The following STK38 variants were observed in gnomAD, a reference collection of about 807,000 sequenced individuals.
The protein encoded by STK38 is serine/threonine-protein kinase 38.
Under a neutral mutation model 59.0 loss-of-function variants are expected in STK38, and 26 were observed. The ratio of observed to expected loss-of-function variants is 0.44; its 90% confidence interval spans 0.32 to 0.61. STK38 has a LOEUF of 0.61. Among genes scored for constraint, STK38 ranks in the 20% least tolerant of loss-of-function variants. The probability of loss-of-function intolerance (pLI) is 0.04; values close to 1 mark genes in which losing one functional copy is unlikely to be tolerated. For missense variants in STK38, 433 were observed against 566.0 expected, an observed-to-expected ratio of 0.76 and a Z score of 2.38; for synonymous variants, 175 against 176.6, an observed-to-expected ratio of 0.99 and a Z score of 0.07.
chr6:36,507,287 C>A (rs1055719929), intron 8 of STK38, among the ~76,000 whole-genome samples: 1 of 152,034 alleles, frequency 6.6e-6, no homozygotes, highest in Non-Finnish European at 1.5e-5. Context: ...CCTCTAAAGA[C>A]CCCTTTCAAC....
chr6:36,545,255 T>C (rs1429453645), intron 1 of STK38, among the ~76,000 whole-genome samples: 1 of 127,886 alleles, frequency 7.8e-6, no homozygotes, highest in African/African-American at 3.1e-5. Flanking sequence ...ATCACACCAC[T>C]GCACTCTAGC....
intron 7 of STK38, among the ~76,000 whole-genome samples, chr6:36,514,662 T>C (rs1468506150): frequency 1.3e-5 from 2 of 151,910 alleles, no homozygotes; most frequent in Admixed American, 1.3e-4. Context: ...TATCTGCATG[T>C]CTAAAAATAA....
chr6:36,527,299 T>C (rs1303760679), intron 2 of STK38, among the ~76,000 whole-genome samples: 2 of 140,396 alleles, frequency 1.4e-5, no homozygotes, highest in Non-Finnish European at 3.0e-5. Context: ...TATACACATA[T>C]GTATATACGT....
intron 5 of STK38, among the ~76,000 whole-genome samples, chr6:36,518,915 G>A (rs1415072167): frequency 1.3e-5 from 2 of 152,128 alleles, no homozygotes; most frequent in Non-Finnish European, 2.9e-5. Context: ...CATGGCTGTT[G>A]GCAAATTTAG....
chr6:36,509,107 T>C (rs1777039949), intron 7 of STK38, among the ~76,000 whole-genome samples: 1 of 152,244 alleles, frequency 6.6e-6, no homozygotes, highest in African/African-American at 2.4e-5. Context: ...GCCCTGTTTG[T>C]GTTACCGCTC....
At chr6:36,503,429 A>AGT (rs147635090) in intron 9 of STK38, among the ~76,000 whole-genome samples, 33,106 of 143,204 alleles carry the variant, frequency 0.23, 3,702 homozygotes, top group East Asian at 0.39. Context: ...CATATAGCTA[A>AGT]GTGTGTGTGT....
intron 9 of STK38, among the ~76,000 whole-genome samples, chr6:36,503,429 AGTGTGT>A (rs147635090): frequency 7.0e-6 from 1 of 143,338 alleles, no homozygotes; most frequent in Admixed American, 6.8e-5. Flanking sequence ...CATATAGCTA[AGTGTGT>A]GTGTGTGTGT....
At chr6:36,546,526 C>T (rs369254626) in intron 1 of STK38, among the ~76,000 whole-genome samples, 2 of 152,348 alleles carry the variant, frequency 1.3e-5, no homozygotes, top group South Asian at 2.1e-4. Flanking sequence ...AAGTTTCTCT[C>T]CGAGTCTTTT....
At chr6:36,533,697 T>C (rs1487914307) in intron 2 of STK38, among the ~76,000 whole-genome samples, 1 of 152,210 alleles carries the variant, frequency 6.6e-6, no homozygotes. Context: ...GCAGAACCAG[T>C]AGGATAAAAC....
chr6:36,498,261 G>A, intron 11 of STK38, 102 bp downstream of exon 11: 1 of 1,453,036 alleles, frequency 6.9e-7, no homozygotes, highest in Non-Finnish European at 9.3e-7. Context: ...AGGAATAGGA[G>A]GAAACAGAAA....
intron 8 of STK38, 82 bp from the exon 9 acceptor site, chr6:36,506,726 A>G: frequency 8.0e-7 from 1 of 1,246,302 alleles, no homozygotes; most frequent in Non-Finnish European, 1.1e-6. Context: ...TTCAAGTCAC[A>G]TGAGACCCTA....
At chr6:36,513,618 G>A (rs990220747) in intron 7 of STK38, among the ~76,000 whole-genome samples, 4 of 151,530 alleles carry the variant, frequency 2.6e-5, no homozygotes, top group East Asian at 3.9e-4. Flanking sequence ...GCCCGGCCCC[G>A]GCCTTTTTTT....
intron 2 of STK38, among the ~76,000 whole-genome samples, chr6:36,539,745 A>ATTT (rs55784149): frequency 5.6e-4 from 74 of 131,216 alleles, no homozygotes; most frequent in South Asian, 2.5e-3. Context: ...ATTGGGCCTA[A>ATTT]TTTTTTTTTT....
At chr6:36,515,554 A>G in intron 6 of STK38, 62 bp from the exon 7 acceptor site, 1 of 1,549,802 alleles carries the variant, frequency 6.5e-7, no homozygotes, top group Middle Eastern at 1.9e-4. Flanking sequence ...ACACACACAC[A>G]CAACATACGA....
At chr6:36,500,500 G>A (rs532490586) in intron 9 of STK38, among the ~76,000 whole-genome samples, 15 of 152,104 alleles carry the variant, frequency 9.9e-5, no homozygotes, top group African/African-American at 3.4e-4. Context: ...GGTGGTTCAC[G>A]CCTGTAATCC....
chr6:36,528,041 G>A (rs905663789), intron 2 of STK38, among the ~76,000 whole-genome samples: 18 of 151,906 alleles, frequency 1.2e-4, no homozygotes, highest in African/African-American at 3.6e-4. Context: ...CCCAGGAGGC[G>A]GAGCTTGCAG....
At position 36,495,596 on chromosome 6, in the gene STK38, T is replaced by C. The variant is rs913236194; in HGVS notation, c.*188A>G. The stretch of plus-strand genomic sequence containing the variant: ...TTTATGGCCGACGTAGTAGAAATGG[T>C]TGTCTTTGTTTACAGTTTTTCAGAT... On this transcript the variant is annotated 3_prime_UTR_variant, in exon 14 of 14. Coordinates refer to ENST00000229812, the MANE Select transcript of STK38 (RefSeq NM_007271.4). 2 of 657,496 alleles carry C rather than the reference T, an allele frequency of 3.0e-6. No homozygotes were observed. Among genetic ancestry groups the C allele is most frequent in the Non-Finnish European group, 4.8e-6 (2 of 417,292 alleles). The allele number at this position is 657,496 out of a possible 1,614,324, so 40.7% of individuals were successfully genotyped here. A position where few individuals can be genotyped will look rare whatever the true frequency, so the allele number is the denominator to read the frequency against.
chr6:36,536,542 AT>A (rs1375897734), intron 2 of STK38, among the ~76,000 whole-genome samples: 1 of 151,640 alleles, frequency 6.6e-6, no homozygotes, highest in African/African-American at 2.4e-5. Flanking sequence ...TTTTAATTTT[AT>A]TTTTTTTGAG....
Position 36,539,745 on chromosome 6 carries a change from ATTTTTTTTTTTTT to A in STK38, c.131+314_131+326del, listed in dbSNP as rs55784149. ...CAATCAACTCCTTGGATTGGGCCTA[ATTTTTTTTTTTTT>A]TTTTTTTTTAAGATACAGAGTCTCA... On this transcript the variant is annotated intron_variant, in intron 2 of 13. Coordinates refer to ENST00000229812, the MANE Select transcript of STK38 (RefSeq NM_007271.4). Among the ~76,000 whole-genome samples the A allele has an allele frequency of 6.1e-5, 8 of 131,234 alleles. No individual in the cohort carries two copies. In the Admixed American group the frequency reaches 6.3e-4, roughly 10 times the overall value. 86.1% of individuals were successfully genotyped at this position (131,234 alleles called of 152,430 possible). A position where few individuals can be genotyped will look rare whatever the true frequency, so the allele number is the denominator to read the frequency against.
Sources: gnomAD v4.1 joint callset for allele counts (sites outside exome capture counted in the v4.1 genomes callset) on GRCh38, gnomAD v4.1.1 for gene constraint, MANE v1.5 for transcripts, NCBI Gene and HGNC (gene_info 2026-07-23, HGNC 2026-07-21) for gene names.